Variants in COP1 observed in about 807,000 individuals in gnomAD.
COP1 encodes the protein COP1 E3 ubiquitin ligase, also known as E3 ubiquitin-protein ligase COP1.
A neutral mutation model predicts 101.3 loss-of-function variants in COP1; 24 were observed. That is an observed-to-expected ratio of 0.24 (90% confidence interval 0.17 to 0.33). COP1 has a LOEUF of 0.33. COP1 is among the 10% of genes least tolerant of loss of function. The probability of loss-of-function intolerance (pLI) is 1.00; values close to 1 mark genes in which losing one functional copy is unlikely to be tolerated. For missense variants in COP1, 663 were observed against 906.2 expected (o/e 0.73, Z 3.45); for synonymous variants, 347 against 341.9 (o/e 1.01, Z -0.17).
At chr1:175,953,264 A>G (rs547601705) in intron 18 of COP1, among the ~76,000 whole-genome samples, 7 of 150,694 alleles carry the variant, frequency 4.6e-5, no homozygotes, top group African/African-American at 1.7e-4. Context: ...AAGCTAGTAA[A>G]GGAGAAAAAA....
intron 9 of COP1, among the ~76,000 whole-genome samples, chr1:176,098,403 G>T (rs935897042): frequency 6.6e-6 from 1 of 152,090 alleles, no homozygotes; most frequent in African/African-American, 2.4e-5. Flanking sequence ...TTTGCCTAGG[G>T]TCTAAGGATT....
intron 6 of COP1, among the ~76,000 whole-genome samples, chr1:176,146,995 C>A (rs1691671854): frequency 6.6e-6 from 1 of 152,130 alleles, no homozygotes; most frequent in Non-Finnish European, 1.5e-5. Flanking sequence ...TATTTAACTT[C>A]TCTGATTGGT....
At position 176,179,371 on chromosome 1, in the gene COP1, T is replaced by C. The variant is rs1697423898; in HGVS notation, c.468-3364A>G. Reference sequence around the variant, plus strand: ...GGAGAACATTATGGGTTTTAGCAAATAACTTTTCTTTAAAATAAATGATAG... The same window carrying C: ...GGAGAACATTATGGGTTTTAGCAAACAACTTTTCTTTAAAATAAATGATAG... On this transcript the variant is annotated intron_variant, in intron 2 of 19. Coordinates refer to ENST00000367669, the MANE Select transcript of COP1 (RefSeq NM_022457.7). Among the ~76,000 whole-genome samples the C allele has an allele frequency of 2.6e-5, 4 of 152,008 alleles. 1 individual carries two copies. Among genetic ancestry groups the C allele is most frequent in the Non-Finnish European group, 5.9e-5 (4 of 68,000 alleles).
chr1:176,177,423 T>C (rs1459688280), intron 2 of COP1, among the ~76,000 whole-genome samples: 3 of 151,668 alleles, frequency 2.0e-5, no homozygotes, highest in Non-Finnish European at 4.4e-5. Context: ...TATAACACAG[T>C]GGATATAATA....
At chr1:176,020,639 T>C (rs1031622011) in intron 15 of COP1, among the ~76,000 whole-genome samples, 3 of 152,210 alleles carry the variant, frequency 2.0e-5, no homozygotes, top group Non-Finnish European at 4.4e-5. Flanking sequence ...ACTGTGCCAC[T>C]GCACTCCAGC....
intron 10 of COP1, 149 bp from the exon 11 acceptor site, chr1:176,081,436 T>C (rs1274256646): frequency 1.8e-6 from 1 of 554,428 alleles, no homozygotes; most frequent in African/African-American, 1.9e-5. Flanking sequence ...ACAATTTAAT[T>C]GGTCAGTTTT....
chr1:176,128,137 C>G (rs960897407), intron 8 of COP1, among the ~76,000 whole-genome samples: 37 of 151,990 alleles, frequency 2.4e-4, no homozygotes, highest in African/African-American at 8.0e-4. Flanking sequence ...AGCACCTAAT[C>G]CAATATATGA....
At chr1:175,962,969 A>G (rs1224512600) in intron 18 of COP1, among the ~76,000 whole-genome samples, 1 of 152,208 alleles carries the variant, frequency 6.6e-6, no homozygotes, top group African/African-American at 2.4e-5. Context: ...ATCGTCAAAT[A>G]AACATTTTTT....
chr1:176,184,654 G>A lies in COP1; in HGVS notation c.446C>T (p.Thr149Ile). The A allele has an allele frequency of 6.2e-7, 1 of 1,607,790 alleles. No homozygotes were observed. Among genetic ancestry groups the A allele is most frequent in the South Asian group, 1.1e-5 (1 of 89,810 alleles). Reference sequence around the variant, plus strand: ...TTACCAAAAGCTGTGGCCACATTTTGTCATGTATGCTTCTTCAATCATATC... The same window carrying A: ...TTACCAAAAGCTGTGGCCACATTTTATCATGTATGCTTCTTCAATCATATC... ...CFDMIEEAYM[T>I]KCGHSFCYKC... Residue 149 changes from threonine to isoleucine, a missense_variant, in exon 2 of 20, where the codon ACA (threonine) becomes ATA (isoleucine). Around this residue, in one of 4 missense-constraint regions of COP1, gnomAD observed 38 missense variants for 78.5 expected, o/e 0.48. Transcript: ENST00000367669.
intron 8 of COP1, among the ~76,000 whole-genome samples, chr1:176,126,662 C>CA (rs1332696592): frequency 6.6e-6 from 1 of 152,062 alleles, no homozygotes; most frequent in East Asian, 1.9e-4. Flanking sequence ...CCATGTTGGC[C>CA]AGGATGATCT....
chr1:176,019,074 G>A (rs943781933), intron 15 of COP1, among the ~76,000 whole-genome samples: 9 of 152,106 alleles, frequency 5.9e-5, no homozygotes, highest in Non-Finnish European at 1.2e-4. Context: ...GCTGAGGCAC[G>A]AGAATCGCTT....
At position 176,143,123 on chromosome 1, in the gene COP1, C is replaced by CGAGAGAGAGAGAGAGAGAGA. The variant is rs71129558; in HGVS notation, c.831+5882_831+5883insTCTCTCTCTCTCTCTCTCTC. Among the ~76,000 whole-genome samples the CGAGAGAGAGAGAGAGAGAGA allele has an allele frequency of 3.1e-3, 449 of 146,802 alleles. 3 individuals are homozygous for CGAGAGAGAGAGAGAGAGAGA. Among genetic ancestry groups the CGAGAGAGAGAGAGAGAGAGA allele is most frequent in the Admixed American group, 5.3e-3 (78 of 14,784 alleles). Reference sequence around the variant, plus strand: ...GCAAGAATTGATCCAACAGAACAAGCGAGAGAGAGAGAGAGCGAGAGAAAG... The same window carrying CGAGAGAGAGAGAGAGAGAGA: ...GCAAGAATTGATCCAACAGAACAAGCGAGAGAGAGAGAGAGAGAGAGAGAGAGAGAGAGAGCGAGAGAAAG... On this transcript the variant is annotated intron_variant, in intron 6 of 19. Transcript: ENST00000367669.
At chr1:176,120,542 A>C (rs1686946737) in intron 8 of COP1, among the ~76,000 whole-genome samples, 1 of 152,210 alleles carries the variant, frequency 6.6e-6, no homozygotes, top group Admixed American at 6.5e-5. Flanking sequence ...AAAGATAATG[A>C]AACAGTTCTT....
At position 176,004,503 on chromosome 1, in the gene COP1, C is replaced by A. The variant is rs543191344; in HGVS notation, c.1730-15024G>T. Among the ~76,000 whole-genome samples, 434 of 150,296 alleles carry A rather than the reference C, an allele frequency of 2.9e-3. 1 individual carries two copies. The highest frequency in any genetic ancestry group is 4.7e-3 in the Non-Finnish European group (315 of 67,478). The stretch of plus-strand genomic sequence containing the variant: ...GGCTGTGGGTTTGTCATAGATAGTT[C>A]TTATTATTTTGAAATACGTCCCATC... On this transcript the variant is annotated intron_variant, in intron 15 of 19. Transcript: ENST00000367669.
chr1:176,130,269 T>C (rs1446430226), intron 8 of COP1, among the ~76,000 whole-genome samples: 1 of 151,780 alleles, frequency 6.6e-6, no homozygotes, highest in Non-Finnish European at 1.5e-5. Flanking sequence ...GAAGGGCAGA[T>C]AGGATGTATA....
intron 2 of COP1, among the ~76,000 whole-genome samples, chr1:176,176,432 T>C (rs1048113641): frequency 3.9e-5 from 6 of 152,104 alleles, no homozygotes; most frequent in African/African-American, 1.4e-4. Context: ...AGACAAAAAT[T>C]AGTCAATAAA....
At chr1:176,051,773 T>C (rs916487745) in intron 11 of COP1, among the ~76,000 whole-genome samples, 6 of 152,144 alleles carry the variant, frequency 3.9e-5, no homozygotes, top group African/African-American at 1.4e-4. Flanking sequence ...CTAATACATG[T>C]GTTTGTGTCT....
chr1:176,092,692 C>T (rs950442010), intron 9 of COP1, among the ~76,000 whole-genome samples: 10 of 152,132 alleles, frequency 6.6e-5, no homozygotes, highest in Admixed American at 6.6e-4. Context: ...ATTTTAAAGT[C>T]CAACAATACT....
At chr1:176,076,036 TCAATACCCCACTCA>T (rs1181054162) in intron 11 of COP1, among the ~76,000 whole-genome samples, 5 of 148,286 alleles carry the variant, frequency 3.4e-5, no homozygotes, top group Non-Finnish European at 5.9e-5. Flanking sequence ...GTAGGGGACT[TCAATACCCCACTCA>T]CACCATTAGA....
Sources: allele counts gnomAD v4.1 joint callset (sites outside exome capture counted in the v4.1 genomes callset), GRCh38; gene constraint gnomAD v4.1.1; regional missense constraint gnomAD v4.1.1; transcripts MANE v1.5; gene names NCBI Gene and HGNC (gene_info 2026-07-23, HGNC 2026-07-21).